Variants in ELP3 observed in about 807,000 individuals in gnomAD.
ELP3 encodes elongator complex protein 3.
A neutral mutation model predicts 74.9 loss-of-function variants in ELP3; 56 were observed. The ratio of observed to expected loss-of-function variants is 0.75; its 90% CI spans 0.60 to 0.93. ELP3 has a LOEUF of 0.93. Ranked by LOEUF, ELP3 falls within the 40% of genes least tolerant of loss-of-function variation. The pLI is 0.00. For synonymous variants in ELP3, 222 were observed against 239.8 expected (o/e 0.93, Z 0.68); for missense variants, 573 against 686.5 (o/e 0.83, Z 1.85).
chr8:28,179,268 A>G (rs1814897128), intron 14 of ELP3, among the ~76,000 whole-genome samples: 1 of 152,058 alleles, frequency 6.6e-6, no homozygotes, highest in Non-Finnish European at 1.5e-5. Context: ...TCTTCAAAGT[A>G]TTTTCTTCAT....
At chr8:28,187,810 C>G (rs992386096) in intron 14 of ELP3, among the ~76,000 whole-genome samples, 7 of 152,084 alleles carry the variant, frequency 4.6e-5, no homozygotes, top group African/African-American at 1.7e-4. Flanking sequence ...GCTACACCTT[C>G]CATGCAATTT....
upstream of ELP3, chr8:28,092,752 AG>A (rs1811088905): frequency 3.9e-6 from 1 of 254,692 alleles, no homozygotes; most frequent in Admixed American, 5.1e-5. Context: ...ACAACATGGG[AG>A]GGTTCCTCCT....
In ELP3 at chr8:28,190,518, C is replaced by G. The variant is rs1404940802; in HGVS notation, c.*793C>G. On this transcript the variant is annotated 3_prime_UTR_variant, in exon 15 of 15. Transcript: ENST00000256398. Reference sequence around the variant, plus strand: ...TCTGTCTATCCTGAGCGGGTGGAGTCTCAGGTTGTGTGCCCCTAAATCAAG... The same window carrying G: ...TCTGTCTATCCTGAGCGGGTGGAGTGTCAGGTTGTGTGCCCCTAAATCAAG... 5 of 152,030 alleles carry G rather than the reference C, an allele frequency of 3.3e-5. 1 individual carries two copies. Among genetic ancestry groups the G allele is most frequent in the Admixed American group, 3.3e-4 (5 of 15,272 alleles). The allele number at this position is 152,030 out of a possible 1,614,324, so 9.4% of individuals were successfully genotyped here.
intron 7 of ELP3, among the ~76,000 whole-genome samples, chr8:28,121,342 C>T (rs1284594117): frequency 7.8e-4 from 96 of 123,830 alleles, no homozygotes; most frequent in African/African-American, 1.9e-3. Context: ...TTTTTTGAAT[C>T]GGAGTCTTGC....
At chr8:28,166,027 T>G (rs560492586) in intron 14 of ELP3, among the ~76,000 whole-genome samples, 1 of 152,322 alleles carries the variant, frequency 6.6e-6, no homozygotes, top group South Asian at 2.1e-4. Flanking sequence ...CTTAGTGAAC[T>G]GTGTTTTAAA....
chr8:28,184,948 A>G (rs1192849088), intron 14 of ELP3, among the ~76,000 whole-genome samples: 1 of 112,652 alleles, frequency 8.9e-6, no homozygotes, highest in Non-Finnish European at 2.0e-5. Context: ...AGCCTGGGTG[A>G]CAAGAGCAAA....
chr8:28,187,486 C>A lies in ELP3; in HGVS notation c.1568-2163C>A, dbSNP rs114876205. ...TTTGACCAGCATCCTCTCATTCTTC[C>A]ATCTCACTCAGAATAAAAGCCAGAT... On this transcript the variant is annotated intron_variant, in intron 14 of 14. Coordinates refer to ENST00000256398, the MANE Select transcript of ELP3 (RefSeq NM_018091.6). Among the ~76,000 whole-genome samples the A allele has an allele frequency of 4.4e-3, 673 of 152,274 alleles. 3 individuals carry two copies. The highest frequency in any genetic ancestry group is 0.015 in the African/African-American group (639 of 41,536).
upstream of ELP3, among the ~76,000 whole-genome samples, chr8:28,091,127 T>C (rs191049387): frequency 0.011 from 1,732 of 152,026 alleles, 31 homozygotes; most frequent in African/African-American, 0.039. Context: ...AGGATGGTCT[T>C]GATCTCCTGA....
At chr8:28,179,166 T>G (rs1814891107) in intron 14 of ELP3, among the ~76,000 whole-genome samples, 1 of 152,216 alleles carries the variant, frequency 6.6e-6, no homozygotes, top group African/African-American at 2.4e-5. Flanking sequence ...GTGCAGATTT[T>G]GGTATATAAG....
In ELP3 at chr8:28,189,750, C is replaced by T. The variant is rs1168788995; in HGVS notation, c.*25C>T. ...ATGGCCACACCAGTCCACTCTTCTG[C>T]AGTATCCTCCCTGGCAGAACACGGA... On this transcript the variant is annotated 3_prime_UTR_variant, in exon 15 of 15. Coordinates refer to ENST00000256398, the MANE Select transcript of ELP3 (RefSeq NM_018091.6). The T allele has an allele frequency of 1.2e-6, 2 of 1,604,132 alleles. No individual in the cohort carries two copies. Among genetic ancestry groups the T allele is most frequent in the Non-Finnish European group, 1.7e-6 (2 of 1,170,972 alleles).
intron 7 of ELP3, among the ~76,000 whole-genome samples, chr8:28,120,842 G>T (rs761235918): frequency 6.6e-6 from 1 of 152,028 alleles, no homozygotes; most frequent in South Asian, 2.1e-4. Context: ...GTTAAAAATC[G>T]AAGGACTCAG....
At chr8:28,174,046 A>C (rs1814642096) in intron 14 of ELP3, among the ~76,000 whole-genome samples, 1 of 152,022 alleles carries the variant, frequency 6.6e-6, no homozygotes, top group Admixed American at 6.5e-5. Context: ...TTCTGTGTGC[A>C]CTTATGGAAA....
intron 10 of ELP3, among the ~76,000 whole-genome samples, chr8:28,150,039 C>T (rs1380434579): frequency 2.0e-5 from 3 of 152,156 alleles, no homozygotes; most frequent in Non-Finnish European, 4.4e-5. Flanking sequence ...CACTATACCA[C>T]TTCACTTCAC....
At chr8:28,188,399 C>T (rs1381881985) in intron 14 of ELP3, among the ~76,000 whole-genome samples, 2 of 151,944 alleles carry the variant, frequency 1.3e-5, no homozygotes, top group African/African-American at 2.4e-5. Flanking sequence ...TTGGTGGGCT[C>T]CTGGGTGGGG....
chr8:28,129,471 A>G, intron 7 of ELP3, 31 bp from the exon 8 acceptor site: 2 of 1,612,054 alleles, frequency 1.2e-6, no homozygotes, highest in Non-Finnish European at 1.7e-6. Flanking sequence ...AAAACCTGCA[A>G]CAGGTTAATT....
intron 10 of ELP3, among the ~76,000 whole-genome samples, chr8:28,149,474 A>G (rs2130517759): frequency 6.6e-6 from 1 of 152,250 alleles, no homozygotes; most frequent in South Asian, 2.1e-4. Context: ...AGAGTTGTTC[A>G]TAGTTTTCCA....
rs557914857 is a variant in ELP3, at chr8:28,190,910, T to G, written c.*1185T>G. On this transcript the variant is annotated 3_prime_UTR_variant, in exon 15 of 15. Transcript: ENST00000256398. ...TGTTATAAATGGAGAAAGGTAAGAG[T>G]TCAAGTTCAACCCGTGTGTGAAAGC... is the stretch of plus-strand genomic sequence containing the variant. 1 of 152,154 alleles carries G rather than the reference T, an allele frequency of 6.6e-6. No homozygotes were observed. Among genetic ancestry groups the G allele is most frequent in the East Asian group, 1.9e-4 (1 of 5,186 alleles). The allele number at this position is 152,154 out of a possible 1,614,324, so 9.4% of individuals were successfully genotyped here. A position where few individuals can be genotyped will look rare whatever the true frequency, so the allele number is the denominator to read the frequency against.
rs1482146054 is a variant in ELP3, at chr8:28,189,983, A to G, written c.*258A>G. 2 of 383,590 alleles carry G rather than the reference A, an allele frequency of 5.2e-6. No homozygotes were observed. Among genetic ancestry groups the G allele is most frequent in the East Asian group, 4.7e-5 (1 of 21,404 alleles). 23.8% of individuals were successfully genotyped at this position (383,590 alleles called of 1,614,324 possible). ...CTTAAATCATCTATCCAGTTTCTAC[A>G]TTTTGCATGAGGCCTGCAGGTGGCC... On this transcript the variant is annotated 3_prime_UTR_variant, in exon 15 of 15. Coordinates refer to ENST00000256398, the MANE Select transcript of ELP3 (RefSeq NM_018091.6).
chr8:28,099,440 C>T (rs759849357), intron 2 of ELP3, among the ~76,000 whole-genome samples: 1 of 152,082 alleles, frequency 6.6e-6, no homozygotes, highest in Admixed American at 6.5e-5. Context: ...GCTAAACATC[C>T]CTCAATTCGC....
Sources: gnomAD v4.1 joint callset for allele counts (sites outside exome capture counted in the v4.1 genomes callset) on GRCh38, gnomAD v4.1.1 for gene constraint, MANE v1.5 for transcripts, NCBI Gene and HGNC (gene_info 2026-07-23, HGNC 2026-07-21) for gene names.